The following SLC25A18 variants were observed in gnomAD, a reference collection of about 807,000 sequenced individuals.
SLC25A18 encodes the protein mitochondrial glutamate carrier 2.
SLC25A18 carries 24 observed loss-of-function variants against 31.1 expected under a neutral mutation model. The ratio of observed to expected loss-of-function variants is 0.77; its 90% CI spans 0.56 to 1.08. The LOEUF is 1.08. SLC25A18 is among the 50% of genes least tolerant of loss of function. SLC25A18 has a pLI of 0.00. For missense variants in SLC25A18, 371 were observed against 418.5 expected (o/e 0.89, Z 0.99); for synonymous variants, 173 against 161.9 (o/e 1.07, Z -0.52).
chr22:17,574,876 G>A (rs918716913), intron 2 of SLC25A18, among the ~76,000 whole-genome samples: 2 of 91,782 alleles, frequency 2.2e-5, no homozygotes, highest in East Asian at 5.8e-4. Context: ...TTTTGAGATG[G>A]AGTCTCGCTC....
intron 3 of SLC25A18, chr22:17,580,792 T>C (rs2146247451): frequency 1.6e-6 from 2 of 1,271,044 alleles, no homozygotes; most frequent in Non-Finnish European, 2.0e-6. Context: ...GCTGGGCTCC[T>C]CCCAGAAGCC....
chr22:17,565,526 G>T (rs546021271), intron 1 of SLC25A18, among the ~76,000 whole-genome samples: 1 of 151,976 alleles, frequency 6.6e-6, no homozygotes, highest in South Asian at 2.1e-4. Flanking sequence ...GACACACACC[G>T]CAGCGCCTGG....
chr22:17,572,523 G>C (rs2057118847), intron 2 of SLC25A18, among the ~76,000 whole-genome samples: 1 of 151,886 alleles, frequency 6.6e-6, no homozygotes, highest in South Asian at 2.1e-4. Flanking sequence ...ACTGGGTGTG[G>C]TGTCTCACGC....
chr22:17,572,790 C>T (rs111257429), intron 2 of SLC25A18, among the ~76,000 whole-genome samples: 54,948 of 144,792 alleles, frequency 0.38, 10,459 homozygotes, highest in African/African-American at 0.47. Context: ...TACAGGCGCC[C>T]GCCACCACGC....
At chr22:17,585,623 ATTAT>A (rs1199356898) in intron 7 of SLC25A18, among the ~76,000 whole-genome samples, 54 of 146,592 alleles carry the variant, frequency 3.7e-4, no homozygotes, top group African/African-American at 1.3e-3. Context: ...TTATTTTATT[ATTAT>A]TTATTTTATT....
chr22:17,581,290 G>A, intron 4 of SLC25A18, 68 bp from the exon 5 acceptor site: 1 of 1,604,248 alleles, frequency 6.2e-7, no homozygotes, highest in Non-Finnish European at 8.5e-7. Context: ...TGTGCCCGCG[G>A]GAGCAGGGCA....
In SLC25A18 at chr22:17,569,979, G is replaced by T. The variant is rs1182620460; in HGVS notation, c.-208G>T. The T allele has an allele frequency of 1.0e-6, 1 of 985,298 alleles. No individual in the cohort carries two copies. The highest frequency in any genetic ancestry group is 1.2e-6 in the Non-Finnish European group (1 of 829,944). 61.0% of individuals were successfully genotyped at this position (985,298 alleles called of 1,614,324 possible). ...TCCAGAAAAGGCAGAGGTTCTTACC[G>T]AAAGCAGGTAAGTGTCTTGTCTGTC... On this transcript the variant is annotated 5_prime_UTR_variant, in exon 2 of 11. Coordinates refer to ENST00000327451, the MANE Select transcript of SLC25A18 (RefSeq NM_031481.3).
At chr22:17,570,196 AT>A in intron 2 of SLC25A18, 1 of 165,772 alleles carries the variant, frequency 6.0e-6, no homozygotes, top group Non-Finnish European at 1.2e-5. Context: ...GAAGCAAGTG[AT>A]TTTCTTGGCA....
At chr22:17,569,741 G>A (rs1322908592) in intron 1 of SLC25A18, 183 bp from the exon 2 acceptor site, 2 of 985,256 alleles carry the variant, frequency 2.0e-6, no homozygotes, top group African/African-American at 3.5e-5. Flanking sequence ...GGTGCAGCGT[G>A]GCTTGACTGG....
chr22:17,584,277 C>T (rs2057459559), intron 7 of SLC25A18, among the ~76,000 whole-genome samples: 2 of 151,664 alleles, frequency 1.3e-5, no homozygotes, highest in African/African-American at 2.4e-5. Flanking sequence ...CCTGTAGTCT[C>T]AGCTATCCGG....
intron 1 of SLC25A18, among the ~76,000 whole-genome samples, chr22:17,568,845 G>A (rs866254776): frequency 4.6e-5 from 7 of 151,994 alleles, no homozygotes; most frequent in Middle Eastern, 6.8e-3. Flanking sequence ...ACAGGCGTGA[G>A]CAACCGTGCC....
At chr22:17,567,230 T>G (rs1449367872) in intron 1 of SLC25A18, among the ~76,000 whole-genome samples, 4 of 152,206 alleles carry the variant, frequency 2.6e-5, no homozygotes, top group Non-Finnish European at 5.9e-5. Flanking sequence ...CTGTACTAAG[T>G]GCACTACATC....
Position 17,587,937 on chromosome 22 carries a change from C to A in SLC25A18, c.588C>A (p.Phe196Leu). 1 of 1,614,172 alleles carries A rather than the reference C, an allele frequency of 6.2e-7. No homozygotes were observed. Among genetic ancestry groups the A allele is most frequent in the Non-Finnish European group, 8.5e-7 (1 of 1,180,014 alleles). Residue 196 changes from phenylalanine to leucine, a missense_variant, in exon 9 of 11, where the codon TTC becomes TTA. Phe to Leu is a conservative substitution (Grantham distance 22). Coordinates refer to ENST00000327451, the MANE Select transcript of SLC25A18 (RefSeq NM_031481.3). Reference protein sequence around the residue: ...LGATLLRDIPFSIIYFPLFAN... With the variant: ...LGATLLRDIPLSIIYFPLFAN... ...TCCTCTTCTGCAGAGACATTCCTTT[C>A]TCCATCATCTACTTCCCACTGTTTG... is the stretch of plus-strand genomic sequence containing the variant.
chr22:17,587,120 G>A lies in SLC25A18; in HGVS notation c.410-16G>A. ...TGTTGGGGACCAGGTACTGATGTCT[G>A]TCCTTTCCCTTCCAGCCGTCCATCA... On this transcript the variant is annotated splice_polypyrimidine_tract_variant and intron_variant, in intron 7 of 10. Coordinates refer to ENST00000327451, the MANE Select transcript of SLC25A18 (RefSeq NM_031481.3). The A allele has an allele frequency of 6.2e-7, 1 of 1,612,620 alleles. No homozygotes were observed. Among genetic ancestry groups the A allele is most frequent in the Non-Finnish European group, 8.5e-7 (1 of 1,179,272 alleles).
rs569424215 is a variant in SLC25A18, at chr22:17,579,863, A to C, written c.-82A>C. The C allele has an allele frequency of 5.2e-4, 804 of 1,552,932 alleles. 3 individuals carry two copies. In the African/African-American group the frequency reaches 8.7e-3, roughly 17 times the overall value. On this transcript the variant is annotated 5_prime_UTR_variant, in exon 3 of 11. Coordinates refer to ENST00000327451, the MANE Select transcript of SLC25A18 (RefSeq NM_031481.3). ...CGGGGCCAGAGCCAAGGAAGCTTCC[A>C]CTTCTTCCCCCAGACAGCCCCAACA...
At chr22:17,583,382 T>TG in intron 6 of SLC25A18, 34 bp from the exon 7 acceptor site, 2 of 1,613,102 alleles carry the variant, frequency 1.2e-6, no homozygotes, top group South Asian at 2.2e-5. Context: ...GCCTGTGGCC[T>TG]GCGGCTGAAG....
At chr22:17,579,387 A>G (rs944823913) in intron 2 of SLC25A18, among the ~76,000 whole-genome samples, 35 of 152,056 alleles carry the variant, frequency 2.3e-4, no homozygotes, top group African/African-American at 8.2e-4. Flanking sequence ...ACGCCCGGCC[A>G]TCTTAAGTAT....
intron 7 of SLC25A18, among the ~76,000 whole-genome samples, chr22:17,585,650 A>ATTAT (rs1555951983): frequency 2.7e-4 from 37 of 137,222 alleles, no homozygotes; most frequent in African/African-American, 8.4e-4. Context: ...TATTATTATT[A>ATTAT]TTTTTTTTTT....
intron 3 of SLC25A18, 52 bp downstream of exon 3, chr22:17,580,016 G>A: frequency 6.4e-7 from 1 of 1,562,296 alleles, no homozygotes; most frequent in Non-Finnish European, 8.7e-7. Context: ...CTGGCGGAGA[G>A]TCGCTGTGGT....
Sources: gnomAD v4.1 joint callset for allele counts (sites outside exome capture counted in the v4.1 genomes callset) on GRCh38, gnomAD v4.1.1 for gene constraint, MANE v1.5 for transcripts, NCBI Gene and HGNC (gene_info 2026-07-23, HGNC 2026-07-21) for gene names.